Variants in EPM2A observed in about 807,000 individuals in gnomAD.
EPM2A encodes the protein laforin.
EPM2A carries 21 observed loss-of-function variants against 26.5 expected under a neutral mutation model. That is an observed-to-expected ratio of 0.79 (90% confidence interval 0.56 to 1.14). The LOEUF (loss-of-function observed/expected upper bound fraction) is 1.14, where lower values mean the gene tolerates loss of function less well. Ranked by LOEUF, EPM2A falls within the 50% of genes most tolerant of loss-of-function variation. The pLI, the probability that EPM2A is intolerant of heterozygous loss-of-function variation, is 0.00. For synonymous variants in EPM2A, 217 were observed against 177.6 expected, an observed-to-expected ratio of 1.22 and a Z score of -1.76; for missense variants, 458 against 440.8, an observed-to-expected ratio of 1.04 and a Z score of -0.35.
At chr6:145,533,008 T>C (rs1780382481) in intron 2 of EPM2A, among the ~76,000 whole-genome samples, 1 of 152,190 alleles carries the variant, frequency 6.6e-6, no homozygotes, top group Non-Finnish European at 1.5e-5. Context: ...CAAACTTATA[T>C]ATTCATTTGC....
intron 4 of EPM2A, among the ~76,000 whole-genome samples, chr6:145,455,607 C>T (rs556357488): frequency 1.3e-5 from 2 of 152,272 alleles, no homozygotes; most frequent in South Asian, 4.1e-4. Flanking sequence ...ATCCACCCGC[C>T]TCGGCATCCA....
intron 4 of EPM2A, among the ~76,000 whole-genome samples, chr6:145,476,830 G>A (rs982521074): frequency 6.6e-6 from 1 of 151,854 alleles, no homozygotes; most frequent in African/African-American, 2.4e-5. Flanking sequence ...ACAGCTATAA[G>A]TGCCTACATC....
chr6:145,668,808 A>G (rs942402911), intron 2 of EPM2A, among the ~76,000 whole-genome samples: 2 of 152,222 alleles, frequency 1.3e-5, no homozygotes, highest in Non-Finnish European at 2.9e-5. Flanking sequence ...CTTGCCCAGT[A>G]TATTATTTGT....
At chr6:145,429,886 C>T (rs1778900165) in intron 4 of EPM2A, among the ~76,000 whole-genome samples, 1 of 152,126 alleles carries the variant, frequency 6.6e-6, no homozygotes, top group African/African-American at 2.4e-5. Flanking sequence ...TAGAATTCTT[C>T]TATGCAGGTT....
At chr6:145,446,392 T>C (rs930192225) in intron 4 of EPM2A, among the ~76,000 whole-genome samples, 2 of 147,286 alleles carry the variant, frequency 1.4e-5, no homozygotes, top group Non-Finnish European at 3.1e-5. Context: ...GTGGGCCTGT[T>C]TCTATCATTT....
At chr6:145,396,154 G>A (rs1261120623) in intron 4 of EPM2A, among the ~76,000 whole-genome samples, 1 of 152,112 alleles carries the variant, frequency 6.6e-6, no homozygotes, top group Admixed American at 6.6e-5. Flanking sequence ...AAAGTCCAGA[G>A]ACATTTCTCT....
At chr6:145,664,698 G>A (rs371501664) in intron 2 of EPM2A, among the ~76,000 whole-genome samples, 10 of 152,174 alleles carry the variant, frequency 6.6e-5, no homozygotes, top group Non-Finnish European at 8.8e-5. Context: ...ACCCCAAATC[G>A]ACAGAATATA....
At chr6:145,619,096 C>T (rs753535183) in intron 2 of EPM2A, among the ~76,000 whole-genome samples, 1 of 151,800 alleles carries the variant, frequency 6.6e-6, no homozygotes, top group Non-Finnish European at 1.5e-5. Context: ...AAGTTTCTAA[C>T]TTGGGAAATT....
intron 4 of EPM2A, among the ~76,000 whole-genome samples, chr6:145,474,404 G>A (rs1582783729): frequency 1.3e-5 from 2 of 152,290 alleles, no homozygotes; most frequent in African/African-American, 4.8e-5. Flanking sequence ...AGAAGTGGCA[G>A]TGAGCCAAGA....
intron 2 of EPM2A, among the ~76,000 whole-genome samples, chr6:145,619,821 C>G (rs1164118372): frequency 6.6e-6 from 1 of 152,090 alleles, no homozygotes; most frequent in Non-Finnish European, 1.5e-5. Flanking sequence ...TACCAGTGAG[C>G]ATAAGTCAGT....
intron 4 of EPM2A, chr6:145,490,424 T>C (rs1391960590): frequency 9.1e-6 from 7 of 768,674 alleles, no homozygotes; most frequent in Non-Finnish European, 1.6e-5. Context: ...CTAGCAAATC[T>C]TTCATGACAA....
At chr6:145,617,008 G>A (rs1160502766) in intron 2 of EPM2A, among the ~76,000 whole-genome samples, 1 of 152,128 alleles carries the variant, frequency 6.6e-6, no homozygotes, top group Non-Finnish European at 1.5e-5. Flanking sequence ...TGCTGGGAGG[G>A]CATCATTGGT....
chr6:145,726,096 A>T (rs1776191520), intron 1 of EPM2A, among the ~76,000 whole-genome samples: 1 of 152,046 alleles, frequency 6.6e-6, no homozygotes, highest in African/African-American at 2.4e-5. Flanking sequence ...GAGACATAAA[A>T]GATGATCTCA....
chr6:145,452,561 A>G (rs1308432999), intron 4 of EPM2A, among the ~76,000 whole-genome samples: 2 of 145,300 alleles, frequency 1.4e-5, no homozygotes, highest in Non-Finnish European at 3.0e-5. Context: ...AGTCCCAGCT[A>G]CTCTGGAGGC....
intron 2 of EPM2A, among the ~76,000 whole-genome samples, chr6:145,586,769 T>C (rs988970100): frequency 6.6e-6 from 1 of 152,088 alleles, no homozygotes; most frequent in Non-Finnish European, 1.5e-5. Flanking sequence ...ACAGATAATT[T>C]TAGAAATTAA....
chr6:145,541,942 C>A, intron 2 of EPM2A, among the ~76,000 whole-genome samples: 1 of 150,812 alleles, frequency 6.6e-6, no homozygotes, highest in Non-Finnish European at 1.5e-5. Flanking sequence ...TTTTTTAAAA[C>A]CTCACTTTTA....
intron 4 of EPM2A, among the ~76,000 whole-genome samples, chr6:145,450,983 A>G (rs764599625): frequency 5.6e-4 from 86 of 152,244 alleles, no homozygotes; most frequent in Admixed American, 1.4e-3. Flanking sequence ...CTGAAGGCCA[A>G]TCTATGGTTC....
chr6:145,438,920 TTTTCTTC>T (rs1301611142), intron 4 of EPM2A, among the ~76,000 whole-genome samples: 10 of 150,970 alleles, frequency 6.6e-5, no homozygotes, highest in African/African-American at 1.9e-4. Context: ...CCAATAGTTT[TTTTCTTC>T]TTTTCTTCTT....
chr6:145,709,814 A>C (rs915730372), intron 1 of EPM2A, among the ~76,000 whole-genome samples: 1 of 152,224 alleles, frequency 6.6e-6, no homozygotes, highest in Non-Finnish European at 1.5e-5. Flanking sequence ...GGGCAGAGGC[A>C]GCAAGATAAA....
Sources: allele counts gnomAD v4.1 joint callset (sites outside exome capture counted in the v4.1 genomes callset), GRCh38; gene constraint gnomAD v4.1.1; transcripts MANE v1.5; gene names NCBI Gene and HGNC (gene_info 2026-07-23, HGNC 2026-07-21).